CCDC158: variants seen among roughly 807,000 people sequenced by gnomAD.
CCDC158 encodes coiled-coil domain-containing protein 158.
CCDC158 carries 116 observed loss-of-function variants against 138.6 expected under a neutral mutation model. That is an observed-to-expected ratio of 0.84 (90% CI 0.72 to 0.98). The LOEUF (loss-of-function observed/expected upper bound fraction) is 0.98, where lower values mean the gene tolerates loss of function less well. Ranked by LOEUF, CCDC158 falls within the 50% of genes least tolerant of loss-of-function variation. CCDC158 has a pLI of 0.00. For missense variants in CCDC158, 1,265 were observed against 1,306.1 expected (o/e 0.97, Z 0.48); for synonymous variants, 436 against 442.4 (o/e 0.99, Z 0.18).
At chr4:76,370,533 G>A (rs1361342132) in intron 10 of CCDC158, among the ~76,000 whole-genome samples, 2 of 152,152 alleles carry the variant, frequency 1.3e-5, no homozygotes, top group East Asian at 3.9e-4. Flanking sequence ...GATGTATGCG[G>A]CAGCCCTTTA....
At chr4:76,406,837 G>T (rs1453674589) in intron 2 of CCDC158, among the ~76,000 whole-genome samples, 1 of 151,878 alleles carries the variant, frequency 6.6e-6, no homozygotes, top group African/African-American at 2.4e-5. Flanking sequence ...GTAAAAAGAT[G>T]AAAATTCCCA....
At chr4:76,416,599 C>T (rs1200254264) in intron 1 of CCDC158, among the ~76,000 whole-genome samples, 1 of 152,204 alleles carries the variant, frequency 6.6e-6, no homozygotes. Flanking sequence ...CTGTGTGCAG[C>T]CTAGGGACTT....
At chr4:76,325,107 CAT>C (rs1183785639) in intron 23 of CCDC158, among the ~76,000 whole-genome samples, 2 of 151,900 alleles carry the variant, frequency 1.3e-5, no homozygotes, top group African/African-American at 2.4e-5. Context: ...AGCTTAGAAA[CAT>C]AAGAGATGAA....
intron 2 of CCDC158, among the ~76,000 whole-genome samples, chr4:76,407,685 A>G (rs537663184): frequency 6.6e-6 from 1 of 152,334 alleles, no homozygotes; most frequent in East Asian, 1.9e-4. Flanking sequence ...AGGAATGAGT[A>G]GGACAGATAT....
rs549734862 is a variant in CCDC158 at position 76,319,428 on chromosome 4, G to A, written c.3277+3874C>T. ...AGCCTGGGTGACAGAGCAAGACTCC[G>A]TATCAAAAAAAAAAAAAAAAAAAAA... On this transcript the variant is annotated intron_variant, in intron 24 of 24. Coordinates refer to ENST00000682701, the MANE Select transcript of CCDC158 (RefSeq NM_001394954.1). Among the ~76,000 whole-genome samples the A allele has an allele frequency of 5.8e-3, 236 of 40,810 alleles. 1 individual carries two copies. The highest frequency in any genetic ancestry group is 0.022 in the African/African-American group (209 of 9,420). 26.8% of individuals were successfully genotyped at this position (40,810 alleles called of 152,430 possible). A position where few individuals can be genotyped will look rare whatever the true frequency, so the allele number is the denominator to read the frequency against.
In CCDC158 at chr4:76,334,001, C is replaced by A; in HGVS notation, c.2822+9G>T. ...TGAGCTTTCCCATTCTGTGTGCACA[C>A]AGCCTTACACAGCCACATACAAGGC... On this transcript the variant is annotated intron_variant, in intron 19 of 24. Transcript: ENST00000682701. 6.4e-7 allele frequency: 1 copy of A among 1,573,528 alleles called. No individual in the cohort carries two copies. The highest frequency in any genetic ancestry group is 8.7e-7 in the Non-Finnish European group (1 of 1,154,878).
intron 12 of CCDC158, among the ~76,000 whole-genome samples, chr4:76,366,814 A>T (rs1006194636): frequency 1.3e-5 from 2 of 152,332 alleles, no homozygotes; most frequent in Admixed American, 1.3e-4. Context: ...GAAACTATTA[A>T]TAGGCTCATT....
chr4:76,363,930 C>G (rs941788865), intron 12 of CCDC158, among the ~76,000 whole-genome samples: 2 of 152,080 alleles, frequency 1.3e-5, no homozygotes, highest in East Asian at 3.9e-4. Context: ...GAAGAGCAAA[C>G]AAGAGAGGTG....
At chr4:76,401,983 T>C in intron 3 of CCDC158, 1 of 152,204 alleles carries the variant, frequency 6.6e-6, no homozygotes, top group Non-Finnish European at 1.5e-5. Context: ...GTTTATACAA[T>C]AATGGTGCTG....
chr4:76,355,194 C>T (rs1040190391), intron 15 of CCDC158, 130 bp downstream of exon 15: 1 of 635,726 alleles, frequency 1.6e-6, no homozygotes, highest in Non-Finnish European at 2.8e-6. Flanking sequence ...GAACTTTTCC[C>T]TTGTTCTCTC....
chr4:76,347,667 T>G (rs1041402885), intron 18 of CCDC158, among the ~76,000 whole-genome samples: 1 of 152,096 alleles, frequency 6.6e-6, no homozygotes, highest in Admixed American at 6.5e-5. Context: ...GTAACAAACC[T>G]GCACGTTCTG....
Position 76,367,470 on chromosome 4 carries a change from C to T in CCDC158, c.1654G>A (p.Ala552Thr), listed in dbSNP as rs1380861523. ...TTCTCTGTCATCTGCAGTTTGAGGG[C>T]CTCACATTCTGTCTGCACATTTCTG... ...HLRNVQTECEALKLQMTEKDK... is the reference protein window; with the variant it reads ...HLRNVQTECETLKLQMTEKDK... Residue 552 changes from alanine (A) to threonine (T), a missense_variant, in exon 12 of 25, where the codon GCC becomes ACC. Physicochemically the swap from Ala to Thr is moderately conservative, Grantham distance 58 (BLOSUM62 0). Coordinates refer to ENST00000682701, the MANE Select transcript of CCDC158 (RefSeq NM_001394954.1). The T allele has an allele frequency of 2.5e-6, 4 of 1,614,084 alleles. No individual in the cohort carries two copies. In the East Asian group the frequency reaches 6.7e-5, roughly 27 times the overall value.
At chr4:76,351,856 T>A in intron 16 of CCDC158, 44 bp from the exon 17 acceptor site, 2 of 1,222,622 alleles carry the variant, frequency 1.6e-6, no homozygotes, top group South Asian at 1.2e-5. Context: ...GCATTCTTTA[T>A]GCACTTATAT....
In CCDC158 at chr4:76,367,687, T is replaced by C; in HGVS notation, c.1437A>G (p.Lys479=). 1.2e-6 allele frequency: 2 copies of C among 1,614,194 alleles called. No individual in the cohort carries two copies. Among genetic ancestry groups the C allele is most frequent in the East Asian group, 2.2e-5 (1 of 44,884 alleles). ...TCTTGGCTGTCAACTCTTCTACTAC[T>C]TTGCGCAGCATCTCTTTGGTGGATT... is the stretch of plus-strand genomic sequence containing the variant. ...QLESTKEMLR[K]VVEELTAKKM... is the part of the protein sequence containing the mutation. The change falls in exon 12 of 25, where the codon AAA becomes AAG. Residue 479 remains lysine (K), a synonymous_variant. Transcript: ENST00000682701.
At chr4:76,400,861 G>C (rs1234590133) in intron 3 of CCDC158, among the ~76,000 whole-genome samples, 1 of 152,188 alleles carries the variant, frequency 6.6e-6, no homozygotes, top group African/African-American at 2.4e-5. Flanking sequence ...TAATAAAGGG[G>C]AAAGGAAGTT....
At chr4:76,321,674 A>T (rs1357513552) in intron 24 of CCDC158, among the ~76,000 whole-genome samples, 3 of 145,948 alleles carry the variant, frequency 2.1e-5, no homozygotes, top group South Asian at 4.2e-4. Context: ...GTATATTTTT[A>T]TATATATATA....
At chr4:76,324,020 T>C (rs1578863096) in intron 23 of CCDC158, among the ~76,000 whole-genome samples, 3 of 152,316 alleles carry the variant, frequency 2.0e-5, no homozygotes, top group Admixed American at 2.0e-4. Context: ...AGTACTTAAT[T>C]GACAATCTGA....
In CCDC158 at chr4:76,326,313, T is replaced by A. The variant is rs1032647960; in HGVS notation, c.3011-298A>T. Among the ~76,000 whole-genome samples, 66 of 152,082 alleles carry A rather than the reference T, an allele frequency of 4.3e-4. 1 individual carries two copies. Among genetic ancestry groups the A allele is most frequent in the Non-Finnish European group, 1.3e-4 (9 of 68,018 alleles). Reference sequence around the variant, plus strand: ...GTCTACCAAATGCAAGCATGAATGCTCCCTAGAGTAAGGTAATCTCATTCA... The same window carrying A: ...GTCTACCAAATGCAAGCATGAATGCACCCTAGAGTAAGGTAATCTCATTCA... On this transcript the variant is annotated intron_variant, in intron 22 of 24. Coordinates refer to ENST00000682701, the MANE Select transcript of CCDC158 (RefSeq NM_001394954.1).
chr4:76,331,441 A>G (rs1721003752), intron 20 of CCDC158, 38 bp from the exon 21 acceptor site: 1 of 1,563,372 alleles, frequency 6.4e-7, no homozygotes, highest in African/African-American at 1.4e-5. Flanking sequence ...CAGTTTAAAT[A>G]ATGTTATTTC....
Sources: allele counts gnomAD v4.1 joint callset (sites outside exome capture counted in the v4.1 genomes callset), GRCh38; gene constraint gnomAD v4.1.1; transcripts MANE v1.5; gene names NCBI Gene and HGNC (gene_info 2026-07-23, HGNC 2026-07-21).